UBR1: variants seen among roughly 807,000 people sequenced by gnomAD.
UBR1 encodes the protein ubiquitin protein ligase E3 component n-recognin 1.
UBR1 carries 102 observed loss-of-function variants against 242.1 expected under a neutral mutation model. That is an observed-to-expected ratio of 0.42 (90% confidence interval 0.36 to 0.50). UBR1 has a LOEUF of 0.50. Ranked by LOEUF, UBR1 falls within the 20% of genes least tolerant of loss-of-function variation. The probability of loss-of-function intolerance (pLI) is 0.01; values close to 1 mark genes in which losing one functional copy is unlikely to be tolerated. For missense variants in UBR1, 1,772 were observed against 2,101.8 expected (o/e 0.84, Z 3.07); for synonymous variants, 675 against 684.8 (o/e 0.99, Z 0.22).
rs139968054 is a variant in UBR1, at chr15:42,961,283, T to C, written c.4701-582A>G. ...ACACACCACCATGCCCGGTTAATTT[T>C]TTATTTTTTAGTAGAGACAGGGTTT... On this transcript the variant is annotated intron_variant, in intron 42 of 46. Transcript: ENST00000290650. Among the ~76,000 whole-genome samples, 523 of 152,010 alleles carry C rather than the reference T, an allele frequency of 3.4e-3. 2 individuals are homozygous for C. The highest frequency in any genetic ancestry group is 0.012 in the African/African-American group (498 of 41,438).
intron 21 of UBR1, among the ~76,000 whole-genome samples, chr15:43,028,401 C>T (rs575759088): frequency 2.0e-5 from 3 of 152,178 alleles, no homozygotes; most frequent in African/African-American, 7.2e-5. Context: ...CTACAGTAAG[C>T]TCACAGATTC....
At chr15:43,026,436 G>C in intron 23 of UBR1, 125 bp downstream of exon 23, 1 of 709,958 alleles carries the variant, frequency 1.4e-6, no homozygotes, top group Non-Finnish European at 2.4e-6. Flanking sequence ...TTAATTCTTG[G>C]GTGACATAAT....
intron 39 of UBR1, among the ~76,000 whole-genome samples, chr15:42,975,384 T>G (rs892301594): frequency 3.9e-5 from 6 of 152,220 alleles, no homozygotes; most frequent in African/African-American, 1.4e-4. Context: ...AATTTCATTA[T>G]ATGGTACATC....
intron 6 of UBR1, among the ~76,000 whole-genome samples, chr15:43,067,241 G>A (rs933080979): frequency 2.0e-5 from 3 of 151,326 alleles, no homozygotes; most frequent in Non-Finnish European, 2.9e-5. Flanking sequence ...TTTTGACTCC[G>A]TTTGCTTTTT....
At chr15:43,005,468 TG>T (rs1170112791) in intron 30 of UBR1, among the ~76,000 whole-genome samples, 7 of 129,836 alleles carry the variant, frequency 5.4e-5, no homozygotes, top group East Asian at 4.7e-4. Flanking sequence ...GGGAGGGAGG[TG>T]GGGGGGCAGC....
rs986644330 is a variant in UBR1, at chr15:42,944,168, T to C, written c.*1161A>G. On this transcript the variant is annotated 3_prime_UTR_variant, in exon 47 of 47. Transcript: ENST00000290650. The stretch of plus-strand genomic sequence containing the variant: ...AAATGGAAGGTTTCCATTTATCTTC[T>C]GCTGTTTTATATCACAATCTCTTGA... The C allele has an allele frequency of 7.2e-5, 11 of 152,620 alleles. No individual in the cohort carries two copies. The highest frequency in any genetic ancestry group is 2.6e-4 in the African/African-American group (11 of 41,568). The allele number at this position is 152,620 out of a possible 1,614,324, so 9.5% of individuals were successfully genotyped here.
chr15:42,956,591 G>C (rs2031925411), intron 44 of UBR1, among the ~76,000 whole-genome samples: 2 of 152,226 alleles, frequency 1.3e-5, no homozygotes, highest in South Asian at 4.1e-4. Context: ...CTCCCAAAGT[G>C]CTGGGATTAC....
chr15:43,065,407 T>C (rs1242524372), intron 6 of UBR1, among the ~76,000 whole-genome samples: 3 of 152,302 alleles, frequency 2.0e-5, no homozygotes, highest in Admixed American at 6.5e-5. Context: ...GCAGGTTTTT[T>C]ACAGAGGTAA....
intron 1 of UBR1, among the ~76,000 whole-genome samples, 196 bp from the exon 2 acceptor site, chr15:43,086,436 T>TG (rs1491407685): frequency 1.5e-5 from 2 of 130,616 alleles, no homozygotes; most frequent in African/African-American, 6.5e-5. Context: ...CACCAGTATC[T>TG]GAAAAAAAAA....
At chr15:43,027,863 A>G (rs1329999769) in intron 21 of UBR1, 35 bp from the exon 22 acceptor site, 1 of 1,522,712 alleles carries the variant, frequency 6.6e-7, no homozygotes, top group Admixed American at 1.7e-5. Context: ...TTTTACCTTC[A>G]TATAATGACT....
rs1014886784 is a variant in UBR1 at position 42,957,506 on chromosome 15, TG to T, written c.4835+506del. Among the ~76,000 whole-genome samples, 18 of 152,222 alleles carry T rather than the reference TG, an allele frequency of 1.2e-4. 1 individual carries two copies. The highest frequency in any genetic ancestry group is 7.7e-4 in the East Asian group (4 of 5,204). Reference sequence around the variant, plus strand: ...CTTTATCATGGTTCATTGCATGTTATGTGGATTTCCCCTCAACTTAAAAAAA... The same window carrying T: ...CTTTATCATGGTTCATTGCATGTTATTGGATTTCCCCTCAACTTAAAAAAA... On this transcript the variant is annotated intron_variant, in intron 44 of 46. Coordinates refer to ENST00000290650, the MANE Select transcript of UBR1 (RefSeq NM_174916.3).
rs750364868 is a variant in UBR1 at position 43,029,125 on chromosome 15, G to GCGCACACACACACACACACA, written c.2379+818_2379+819insTGTGTGTGTGTGTGTGTGCG. Among the ~76,000 whole-genome samples, 126 of 151,064 alleles carry GCGCACACACACACACACACA rather than the reference G, an allele frequency of 8.3e-4. 1 individual carries two copies. The highest frequency in any genetic ancestry group is 3.0e-3 in the African/African-American group (123 of 41,108). ...TAAATAAAAACAAATACACACACACGCACACACACACACATCTCTATTCTA... is the reference window on the plus strand; with the variant it reads ...TAAATAAAAACAAATACACACACACGCGCACACACACACACACACACACACACACACACATCTCTATTCTA... On this transcript the variant is annotated intron_variant, in intron 21 of 46. Coordinates refer to ENST00000290650, the MANE Select transcript of UBR1 (RefSeq NM_174916.3).
At chr15:43,049,373 C>T (rs942409869) in intron 12 of UBR1, among the ~76,000 whole-genome samples, 5 of 152,116 alleles carry the variant, frequency 3.3e-5, no homozygotes, top group Non-Finnish European at 5.9e-5. Context: ...ACCATCCTGG[C>T]TAACACAGTG....
chr15:43,002,421 A>G (rs887518264), intron 32 of UBR1, 134 bp downstream of exon 32: 4 of 1,010,590 alleles, frequency 4.0e-6, no homozygotes, highest in Non-Finnish European at 5.9e-6. Context: ...GGGTTTTACC[A>G]TGTTACCCAG....
intron 39 of UBR1, among the ~76,000 whole-genome samples, chr15:42,971,243 A>C (rs561473278): frequency 2.0e-5 from 3 of 152,172 alleles, no homozygotes; most frequent in Admixed American, 6.5e-5. Context: ...TAGAAATTCA[A>C]CCTCTAGAAA....
intron 39 of UBR1, 145 bp from the exon 40 acceptor site, chr15:42,970,752 C>T (rs537513027): frequency 1.2e-4 from 91 of 769,024 alleles, no homozygotes; most frequent in African/African-American, 5.0e-4. Context: ...GACAGAGTTT[C>T]GCTCTTGTTG....
At chr15:43,059,679 A>G in intron 8 of UBR1, 23 bp downstream of exon 8, 4 of 1,613,944 alleles carry the variant, frequency 2.5e-6, no homozygotes, top group Non-Finnish European at 3.4e-6. Context: ...ATCAGAAACA[A>G]GAAAAACAGG....
At chr15:43,017,300 T>C (rs2033040559) in intron 27 of UBR1, 119 bp from the exon 28 acceptor site, 2 of 723,618 alleles carry the variant, frequency 2.8e-6, no homozygotes, top group Non-Finnish European at 4.8e-6. Context: ...ACTTAAACTA[T>C]TTCAATATAT....
chr15:43,079,364 A>T (rs988459429), intron 3 of UBR1, among the ~76,000 whole-genome samples: 2 of 152,194 alleles, frequency 1.3e-5, no homozygotes, highest in African/African-American at 4.8e-5. Context: ...ACTATAAACT[A>T]AGAAAACTTT....
Sources: gnomAD v4.1 joint callset for allele counts (sites outside exome capture counted in the v4.1 genomes callset) on GRCh38, gnomAD v4.1.1 for gene constraint, MANE v1.5 for transcripts, NCBI Gene and HGNC (gene_info 2026-07-23, HGNC 2026-07-21) for gene names.